WDR25: variants seen among roughly 807,000 people sequenced by gnomAD.
WDR25 encodes WD repeat domain 25.
A neutral mutation model predicts 47.7 loss-of-function variants in WDR25; 35 were observed. That is an observed-to-expected ratio of 0.73 (90% CI 0.56 to 0.97). The LOEUF (loss-of-function observed/expected upper bound fraction) is 0.97, where lower values mean the gene tolerates loss of function less well. WDR25 is among the 50% of genes least tolerant of loss of function. The probability of loss-of-function intolerance (pLI) is 0.00; values close to 1 mark genes in which losing one functional copy is unlikely to be tolerated. For missense variants in WDR25, 634 were observed against 704.7 expected (o/e 0.90, Z 1.14); for synonymous variants, 248 against 278.9 (o/e 0.89, Z 1.10).
intron 1 of WDR25, chr14:100,376,742 T>A: frequency 8.1e-7 from 1 of 1,229,844 alleles, no homozygotes; most frequent in Non-Finnish European, 1.0e-6. Context: ...CTCTGGGGCC[T>A]CCGGGGGGAT....
At chr14:100,520,054 G>C (rs1457113832) in intron 4 of WDR25, among the ~76,000 whole-genome samples, 1 of 138,004 alleles carries the variant, frequency 7.2e-6, no homozygotes, top group Non-Finnish European at 1.5e-5. Flanking sequence ...ACATATATAT[G>C]TACATATGTG....
At chr14:100,472,635 C>G (rs539489270) in intron 3 of WDR25, among the ~76,000 whole-genome samples, 1 of 152,356 alleles carries the variant, frequency 6.6e-6, no homozygotes, top group East Asian at 1.9e-4. Flanking sequence ...ATCCAGAGGC[C>G]CCTGCTGGTC....
At position 100,524,502 on chromosome 14, in the gene WDR25, GT is replaced by G. The variant is rs2030018321; in HGVS notation, c.1102-1367del. On this transcript the variant is annotated intron_variant, in intron 4 of 6. Transcript: ENST00000402312. ...GTGGAGGAAGGCAGGCAGCCGTGCC[GT>G]GAGGGGCAGCTTGTCTCCCTGTTCT... Among the ~76,000 whole-genome samples the G allele has an allele frequency of 5.3e-5, 8 of 152,326 alleles. No individual in the cohort carries two copies. In the South Asian group the frequency reaches 1.7e-3, roughly 32 times the overall value.
intron 2 of WDR25, among the ~76,000 whole-genome samples, chr14:100,464,091 T>C (rs1031708012): frequency 6.6e-6 from 1 of 152,202 alleles, no homozygotes; most frequent in Non-Finnish European, 1.5e-5. Context: ...CCCCAACGGC[T>C]TGTGGTTTTC....
At chr14:100,422,550 T>C (rs78983578) in intron 2 of WDR25, among the ~76,000 whole-genome samples, 6,052 of 152,294 alleles carry the variant, frequency 0.04, 183 homozygotes, top group African/African-American at 0.081. Flanking sequence ...TGTACATCCT[T>C]GTACACCCCT....
intron 2 of WDR25, among the ~76,000 whole-genome samples, chr14:100,439,769 A>G (rs933077775): frequency 2.6e-5 from 4 of 152,220 alleles, no homozygotes; most frequent in Admixed American, 2.0e-4. Context: ...AAACAGTTAT[A>G]TATTTTTCAC....
intron 4 of WDR25, among the ~76,000 whole-genome samples, chr14:100,516,899 C>T (rs1901515814): frequency 6.6e-6 from 1 of 150,628 alleles, no homozygotes; most frequent in South Asian, 2.1e-4. Context: ...TGACTTTGGC[C>T]TGTCATGTTA....
intron 2 of WDR25, among the ~76,000 whole-genome samples, chr14:100,467,519 A>T (rs1899675942): frequency 6.6e-6 from 1 of 152,142 alleles, no homozygotes; most frequent in South Asian, 2.1e-4. Context: ...ATTTTGAGAC[A>T]GTCTCGCTGT....
In WDR25 at chr14:100,488,041, G is replaced by C. The variant is rs1025802359; in HGVS notation, c.1101+3917G>C. Among the ~76,000 whole-genome samples the C allele has an allele frequency of 6.6e-6, 1 of 152,186 alleles. No homozygotes were observed. The highest frequency in any genetic ancestry group is 2.4e-5 in the African/African-American group (1 of 41,446). Reference sequence around the variant, plus strand: ...TTCCTTAAACGTAGCCAAGTGCTAAGTGTCAAGATTCTGGACTTCTCTAGT... The same window carrying C: ...TTCCTTAAACGTAGCCAAGTGCTAACTGTCAAGATTCTGGACTTCTCTAGT... On this transcript the variant is annotated intron_variant, in intron 4 of 6. Transcript: ENST00000402312. This position sits in a 1 kb window ranked among gnomAD's most constrained non-coding sequence, Gnocchi z 4.2.
chr14:100,434,088 C>A (rs942788628), intron 2 of WDR25, among the ~76,000 whole-genome samples: 15 of 151,594 alleles, frequency 9.9e-5, no homozygotes, highest in African/African-American at 2.9e-4. Context: ...GAAAAAAAAA[C>A]CAGAGAGAGA....
intron 2 of WDR25, among the ~76,000 whole-genome samples, chr14:100,453,747 C>G (rs1899115146): frequency 6.6e-6 from 1 of 152,142 alleles, no homozygotes; most frequent in African/African-American, 2.4e-5. Context: ...TGATGGCCCC[C>G]AGAAGCCCCA....
intron 2 of WDR25, among the ~76,000 whole-genome samples, chr14:100,456,982 G>A (rs1899225986): frequency 6.6e-6 from 1 of 151,932 alleles, no homozygotes; most frequent in South Asian, 2.1e-4. Context: ...TTTTGAGACG[G>A]AGTCGCACTC....
At chr14:100,434,591 C>T (rs1355324883) in intron 2 of WDR25, among the ~76,000 whole-genome samples, 2 of 152,178 alleles carry the variant, frequency 1.3e-5, no homozygotes. Context: ...TCCTTTGTTT[C>T]TCTTTGTATT....
At chr14:100,491,305 G>A (rs1490587941) in intron 4 of WDR25, among the ~76,000 whole-genome samples, 1 of 152,240 alleles carries the variant, frequency 6.6e-6, no homozygotes. Flanking sequence ...TGAACTGGGG[G>A]TGGTTTGATG....
chr14:100,458,037 A>G (rs961514341), intron 2 of WDR25, among the ~76,000 whole-genome samples: 1 of 152,206 alleles, frequency 6.6e-6, no homozygotes, highest in African/African-American at 2.4e-5. Context: ...AAAACAAATA[A>G]CAAGATTTAA....
chr14:100,496,566 G>A (rs1056671508), intron 4 of WDR25, among the ~76,000 whole-genome samples: 4 of 151,986 alleles, frequency 2.6e-5, no homozygotes, highest in Admixed American at 6.6e-5. Context: ...GGCAAGTTAG[G>A]CCATTGATTT....
In WDR25 at chr14:100,529,697, C is replaced by T. The variant is rs576772755; in HGVS notation, c.1414-123C>T. 6.2e-5 allele frequency: 70 copies of T among 1,121,412 alleles called. No homozygotes were observed. The highest frequency in any genetic ancestry group is 6.2e-4 in the African/African-American group (40 of 64,528). The allele number at this position is 1,121,412 out of a possible 1,614,324, so 69.5% of individuals were successfully genotyped here. A position where few individuals can be genotyped will look rare whatever the true frequency, so the allele number is the denominator to read the frequency against. ...GACCTGGGCTTTGGCCTCAGGGACA[C>T]GAGGTGCGAAGCCCAGCTCTGCTCC... On this transcript the variant is annotated intron_variant, in intron 6 of 6. Transcript: ENST00000402312. This position sits in a 1 kb window ranked among gnomAD's most constrained non-coding sequence, Gnocchi z 5.1.
rs1177523784 is a variant in WDR25, at chr14:100,449,617, T to C, written c.823-18404T>C. On this transcript the variant is annotated intron_variant, in intron 2 of 6. Transcript: ENST00000402312. This position sits in a 1 kb window ranked among gnomAD's most constrained non-coding sequence, Gnocchi z 4.2. The stretch of plus-strand genomic sequence containing the variant: ...ACTGGGCCTTCAGAAGGAATTAAGT[T>C]GGAGGCCATTAAAACTAAATCAGGT... Among the ~76,000 whole-genome samples the C allele has an allele frequency of 6.6e-6, 1 of 152,210 alleles. No individual in the cohort carries two copies. Among genetic ancestry groups the C allele is most frequent in the Admixed American group, 6.5e-5 (1 of 15,284 alleles).
chr14:100,462,072 C>T (rs1042329309), intron 2 of WDR25, among the ~76,000 whole-genome samples: 1 of 151,952 alleles, frequency 6.6e-6, no homozygotes, highest in African/African-American at 2.4e-5. Context: ...TAACCAAAAA[C>T]GAAAGGCAGG....
Sources: allele counts gnomAD v4.1 joint callset (sites outside exome capture counted in the v4.1 genomes callset), GRCh38; gene constraint gnomAD v4.1.1; non-coding constraint Gnocchi (gnomAD v3.1); transcripts MANE v1.5; gene names NCBI Gene and HGNC (gene_info 2026-07-23, HGNC 2026-07-21).